FBH1: variants seen among roughly 807,000 people sequenced by gnomAD.
The protein encoded by FBH1 is F-box DNA helicase 1.
Under a neutral mutation model 115.5 loss-of-function variants are expected in FBH1, and 43 were observed. The observed-to-expected ratio is 0.37, with a 90% CI of 0.29 to 0.48. The LOEUF is 0.48. Ranked by LOEUF, FBH1 falls within the 20% of genes least tolerant of loss-of-function variation. The probability of loss-of-function intolerance (pLI) is 0.99; values close to 1 mark genes in which losing one functional copy is unlikely to be tolerated. For synonymous variants in FBH1, 524 were observed against 507.8 expected (o/e 1.03, Z -0.43); for missense variants, 1,001 against 1,337.3 (o/e 0.75, Z 3.92).
intron 2 of FBH1, among the ~76,000 whole-genome samples, chr10:5,904,870 T>C (rs928005961): frequency 3.9e-5 from 6 of 152,268 alleles, no homozygotes; most frequent in African/African-American, 9.6e-5. Flanking sequence ...TAGAAAAATA[T>C]CTGTTTCAGT....
chr10:5,896,534 G>A (rs933217806), intron 1 of FBH1, among the ~76,000 whole-genome samples: 19 of 152,158 alleles, frequency 1.2e-4, no homozygotes, highest in African/African-American at 4.3e-4. Context: ...AATGGTTTGT[G>A]TACATTCTGG....
intron 15 of FBH1, among the ~76,000 whole-genome samples, chr10:5,922,807 T>A (rs994174159): frequency 5.3e-5 from 8 of 152,352 alleles, no homozygotes; most frequent in Admixed American, 2.6e-4. Context: ...AGATCTGAGC[T>A]AAACAGGGCA....
In FBH1 at chr10:5,917,037, G is replaced by A. The variant is rs1832007282; in HGVS notation, c.1789-383G>A. ...CTCTCCTGATTTTCTTGGGTTATTG[G>A]TTCTATGGAATAGATTTTGCTAGTG... On this transcript the variant is annotated intron_variant, in intron 10 of 20. Coordinates refer to ENST00000362091, the MANE Select transcript of FBH1 (RefSeq NM_178150.3). This position sits in a 1 kb window ranked among gnomAD's most constrained non-coding sequence, Gnocchi z 5.6. 8.6e-6 allele frequency: 2 copies of A among 231,452 alleles called. No homozygotes were observed. The highest frequency in any genetic ancestry group is 5.2e-5 in the Admixed American group (1 of 19,336). 14.3% of individuals were successfully genotyped at this position (231,452 alleles called of 1,614,324 possible).
intron 1 of FBH1, among the ~76,000 whole-genome samples, chr10:5,896,265 G>T (rs766501565): frequency 6.6e-6 from 1 of 152,236 alleles, no homozygotes; most frequent in South Asian, 2.1e-4. Context: ...GAGTGGGCTG[G>T]GAGGGGATAG....
At chr10:5,890,776 C>T (rs926677249) in intron 1 of FBH1, among the ~76,000 whole-genome samples, 11 of 152,074 alleles carry the variant, frequency 7.2e-5, no homozygotes, top group African/African-American at 1.9e-4. Context: ...GCTTCTCTGC[C>T]CCTCCTCTGA....
intron 1 of FBH1, among the ~76,000 whole-genome samples, chr10:5,898,828 T>C (rs1241876502): frequency 2.0e-5 from 3 of 152,210 alleles, no homozygotes; most frequent in Non-Finnish European, 4.4e-5. Flanking sequence ...GCTATCTACA[T>C]ACAGAGTTAC....
rs113991574 is a variant in FBH1, at chr10:5,933,310, T to G, written c.2830-3146T>G. On this transcript the variant is annotated intron_variant, in intron 19 of 20. Coordinates refer to ENST00000362091, the MANE Select transcript of FBH1 (RefSeq NM_178150.3). This position sits in a 1 kb window ranked among gnomAD's most constrained non-coding sequence, Gnocchi z 4.9. The stretch of plus-strand genomic sequence containing the variant: ...GGCTGAGGCAGGAGAATCACTTGAA[T>G]CCGGGAGGCAGAGGTTGCAGTAGGC... 7.3e-3 allele frequency among the ~76,000 whole-genome samples: 1,117 copies of G among 152,220 alleles called. 14 individuals carry two copies. The highest frequency in any genetic ancestry group is 0.026 in the African/African-American group (1,068 of 41,554).
chr10:5,907,972 T>C lies in FBH1; in HGVS notation c.754-953T>C, dbSNP rs746116615. On this transcript the variant is annotated intron_variant, in intron 3 of 20. Transcript: ENST00000362091. Reference sequence around the variant, plus strand: ...ATGTTTCATGTGCCCTTGAGAGGAATGTATATTTTGCTGTTGTTGGGTGGA... The same window carrying C: ...ATGTTTCATGTGCCCTTGAGAGGAACGTATATTTTGCTGTTGTTGGGTGGA... Among the ~76,000 whole-genome samples, 3 of 152,336 alleles carry C rather than the reference T, an allele frequency of 2.0e-5. No individual in the cohort carries two copies. The South Asian group carries it at 6.2e-4, about 32-fold the overall frequency.
intron 19 of FBH1, chr10:5,934,413 G>A (rs941914191): frequency 7.1e-6 from 1 of 140,088 alleles, no homozygotes; most frequent in Non-Finnish European, 1.5e-5. Flanking sequence ...TCTCTCTGTA[G>A]CCCAGGCTGG....
chr10:5,894,590 G>T (rs1191054956), intron 1 of FBH1: 9 of 777,314 alleles, frequency 1.2e-5, no homozygotes, highest in Non-Finnish European at 1.9e-5. Flanking sequence ...ATATAGGAAA[G>T]AACTGCAAAA....
chr10:5,890,092 G>A (rs946412554), upstream of FBH1: 2 of 314,310 alleles, frequency 6.4e-6, no homozygotes, highest in Non-Finnish European at 1.2e-5. Flanking sequence ...CATTTCGATT[G>A]GCGTTAGTGG....
chr10:5,918,300 G>A lies in FBH1; in HGVS notation c.1964-42G>A, dbSNP rs771097086. 22 of 1,599,478 alleles carry A rather than the reference G, an allele frequency of 1.4e-5. No homozygotes were observed. The highest frequency in any genetic ancestry group is 1.7e-5 in the Non-Finnish European group (20 of 1,176,250). On this transcript the variant is annotated intron_variant, in intron 12 of 20. Transcript: ENST00000362091. The surrounding 1 kb of genome is among the most constrained non-coding windows in gnomAD (Gnocchi z 4.0). The stretch of plus-strand genomic sequence containing the variant: ...TCCTTTTCTTTTTGCTGCCTGGGGT[G>A]GAGGCCTCAAGGTTTCTCACTTTTC...
intron 1 of FBH1, among the ~76,000 whole-genome samples, chr10:5,893,060 C>G (rs1842824446): frequency 1.3e-5 from 2 of 152,324 alleles, no homozygotes; most frequent in Admixed American, 1.3e-4. Context: ...AATCCTACCA[C>G]TTTGGGAGGC....
At chr10:5,937,005 A>G in intron 20 of FBH1, 105 bp from the exon 21 acceptor site, 1 of 1,293,816 alleles carries the variant, frequency 7.7e-7, no homozygotes, top group Admixed American at 2.6e-5. Context: ...CAGAATCCAA[A>G]TGCGTTGTCC....
chr10:5,915,683 T>TTATTCTTGTTTTATAGA lies in FBH1; in HGVS notation c.1565+112_1565+113insTATTCTTGTTTTATAGA. ...ACCACAGTGACCCCGAGGAGTGTAG[T>TTATTCTTGTTTTATAGA]GCTGTTATCTCCACTTACAGGCAGG... On this transcript the variant is annotated intron_variant, in intron 9 of 20. Coordinates refer to ENST00000362091, the MANE Select transcript of FBH1 (RefSeq NM_178150.3). This position sits in a 1 kb window ranked among gnomAD's most constrained non-coding sequence, Gnocchi z 5.2. 1.1e-6 allele frequency: 1 copy of TTATTCTTGTTTTATAGA among 919,638 alleles called. No homozygotes were observed. 57.0% of individuals were successfully genotyped at this position (919,638 alleles called of 1,614,324 possible). A position where few individuals can be genotyped will look rare whatever the true frequency, so the allele number is the denominator to read the frequency against.
rs1413340883 is a variant in FBH1, at chr10:5,913,035, G to A, written c.1212-712G>A. Among the ~76,000 whole-genome samples the A allele has an allele frequency of 2.6e-5, 4 of 152,098 alleles. No individual in the cohort carries two copies. The highest frequency in any genetic ancestry group is 7.2e-5 in the African/African-American group (3 of 41,410). ...GGGGGGCAGTGCACTCGATTGTTGG[G>A]GGAGCGAGTCCAAGCTCACCCCCGG... is the stretch of plus-strand genomic sequence containing the variant. On this transcript the variant is annotated intron_variant, in intron 6 of 20. Transcript: ENST00000362091. The surrounding 1 kb of genome is among the most constrained non-coding windows in gnomAD (Gnocchi z 4.4).
chr10:5,927,276 T>C (rs1320724114), intron 18 of FBH1, among the ~76,000 whole-genome samples, 159 bp from the exon 19 acceptor site: 1 of 152,214 alleles, frequency 6.6e-6, no homozygotes, highest in African/African-American at 2.4e-5. Flanking sequence ...GTTTTTGGAA[T>C]TGGCATTTGT....
Position 5,923,469 on chromosome 10 carries a change from T to C in FBH1, c.2323-152T>C. 1 of 619,528 alleles carries C rather than the reference T, an allele frequency of 1.6e-6. No individual in the cohort carries two copies. Among genetic ancestry groups the C allele is most frequent in the African/African-American group, 1.9e-5 (1 of 53,850 alleles). The allele number at this position is 619,528 out of a possible 1,614,324, so 38.4% of individuals were successfully genotyped here. A position where few individuals can be genotyped will look rare whatever the true frequency, so the allele number is the denominator to read the frequency against. On this transcript the variant is annotated intron_variant, in intron 15 of 20. Transcript: ENST00000362091. The surrounding 1 kb of genome is among the most constrained non-coding windows in gnomAD (Gnocchi z 5.7). Reference sequence around the variant, plus strand: ...AAGTTTCCTGCTTGCCGCCTGTGCTTTGGGTGTCACTCAAGATCCATTTCC... The same window carrying C: ...AAGTTTCCTGCTTGCCGCCTGTGCTCTGGGTGTCACTCAAGATCCATTTCC...
Position 5,916,216 on chromosome 10 carries a change from T to C in FBH1, c.1566-18T>C, listed in dbSNP as rs2132007277. 2 of 1,610,582 alleles carry C rather than the reference T, an allele frequency of 1.2e-6. No individual in the cohort carries two copies. The highest frequency in any genetic ancestry group is 4.5e-5 in the East Asian group (2 of 44,842). On this transcript the variant is annotated intron_variant, in intron 9 of 20. Transcript: ENST00000362091. ...GCCAGGAGAGCCACGTGCTGTTCAT[T>C]TGGGATGGGTATTGCAGGTACCAGT...
Sources: gnomAD v4.1 joint callset for allele counts (sites outside exome capture counted in the v4.1 genomes callset) on GRCh38, gnomAD v4.1.1 for gene constraint, Gnocchi (gnomAD v3.1) non-coding constraint, MANE v1.5 for transcripts, NCBI Gene and HGNC (gene_info 2026-07-23, HGNC 2026-07-21) for gene names.